The following PDHB variants were observed in gnomAD, a reference collection of about 807,000 sequenced individuals.
PDHB encodes the protein pyruvate dehydrogenase E1 component subunit beta, mitochondrial.
Under a neutral mutation model 42.8 loss-of-function variants are expected in PDHB, and 17 were observed. That is an observed-to-expected ratio of 0.40 (90% CI 0.27 to 0.60). The LOEUF (loss-of-function observed/expected upper bound fraction) is 0.60. PDHB is among the 20% of genes least tolerant of loss of function. The pLI, the probability that PDHB is intolerant of heterozygous loss-of-function variation, is 0.46. For synonymous variants in PDHB, 154 were observed against 148.7 expected, an observed-to-expected ratio of 1.04 and a Z score of -0.26; for missense variants, 322 against 451.3, an observed-to-expected ratio of 0.71 and a Z score of 2.60.
In PDHB at chr3:58,429,701, C is replaced by T; in HGVS notation, c.792+7G>A. On this transcript the variant is annotated splice_region_variant and intron_variant, in intron 8 of 9. Transcript: ENST00000302746. ...AATTCTTTAAGAACAAGTAAATGTC[C>T]ACTCACCTCACATTCAACTCCTTCT... is the stretch of plus-strand genomic sequence containing the variant. 2 of 1,552,616 alleles carry T rather than the reference C, an allele frequency of 1.3e-6. No homozygotes were observed. Among genetic ancestry groups the T allele is most frequent in the Non-Finnish European group, 1.8e-6 (2 of 1,123,964 alleles).
Position 58,432,164 on chromosome 3 carries a change from G to C in PDHB, c.97-180C>G, listed in dbSNP as rs1035816376. 6.3e-6 allele frequency: 4 copies of C among 639,812 alleles called. No homozygotes were observed. In the African/African-American group the frequency reaches 7.3e-5, roughly 12 times the overall value. 39.6% of individuals were successfully genotyped at this position (639,812 alleles called of 1,614,324 possible). ...TTTCTATTACACATAGTTGGTCTTT[G>C]CATGTGTTAATGTACTGAGTGCTCA... On this transcript the variant is annotated intron_variant, in intron 2 of 9. Coordinates refer to ENST00000302746, the MANE Select transcript of PDHB (RefSeq NM_000925.4).
chr3:58,429,790 A>T lies in PDHB; in HGVS notation c.710T>A (p.Ile237Lys), dbSNP rs779577082. The part of the protein sequence containing the change: ...KAKIERQGTH[I>K]TVVSHSRPVG... ...AGGTCTTGAATGGGAAACCACAGTT[A>T]TATGTGTTCCTGAAAACAGAGTGGT... is the stretch of plus-strand genomic sequence containing the variant. Residue 237 changes from isoleucine to lysine, a missense_variant, in exon 8 of 10, where the codon ATA (isoleucine) becomes AAA (lysine). Coordinates refer to ENST00000302746, the MANE Select transcript of PDHB (RefSeq NM_000925.4). 1 of 1,602,258 alleles carries T rather than the reference A, an allele frequency of 6.2e-7. No individual in the cohort carries two copies. The highest frequency in any genetic ancestry group is 8.6e-7 in the Non-Finnish European group (1 of 1,169,124).
chr3:58,431,629 C>T lies in PDHB; in HGVS notation c.268-1G>A. 1 of 1,608,868 alleles carries T rather than the reference C, an allele frequency of 6.2e-7. No homozygotes were observed. ...CTACAGCAATTCCAGCAAAGCCCAT[C>T]TATAAAGTAAAATATAAACATAAGT... On this transcript the variant is annotated splice_acceptor_variant, in intron 4 of 9. Transcript: ENST00000302746. LOFTEE classifies it high-confidence loss of function. The surrounding 1 kb of genome is among the most constrained non-coding windows in gnomAD (Gnocchi z 4.4).
intron 2 of PDHB, 88 bp downstream of exon 2, chr3:58,433,543 G>A (rs1026165984): frequency 5.2e-5 from 73 of 1,416,942 alleles, no homozygotes; most frequent in Non-Finnish European, 6.2e-5. Flanking sequence ...GCGCCGGAAG[G>A]CCACAGCGCA....
In PDHB at chr3:58,431,966, T is replaced by G; in HGVS notation, c.115A>C (p.Ile39Leu). Residue 39 changes from isoleucine to leucine, a missense_variant, in exon 3 of 10, where the codon ATA (isoleucine) becomes CTA (leucine). Around this residue, in one of 3 missense-constraint regions of PDHB, gnomAD observed 56 missense variants for 124.2 expected, o/e 0.45. Transcript: ENST00000302746. This position sits in a 1 kb window ranked among gnomAD's most constrained non-coding sequence, Gnocchi z 4.4. ...AALQVTVRDA[I>L]NQGMDEELER... is the part of the protein sequence containing the mutation. Reference sequence around the variant, plus strand: ...AGCTCCTCATCCATACCCTGATTTATAGCATCACGAACTGTCACCTGTCAC... The same window carrying G: ...AGCTCCTCATCCATACCCTGATTTAGAGCATCACGAACTGTCACCTGTCAC... 6.2e-7 allele frequency: 1 copy of G among 1,613,136 alleles called. No individual in the cohort carries two copies. Among genetic ancestry groups the G allele is most frequent in the Non-Finnish European group, 8.5e-7 (1 of 1,179,048 alleles).
Position 58,430,786 on chromosome 3 carries a change from C to T in PDHB, c.460G>A (p.Val154Ile). ...FRGPNGASAG[V>I]AAQHSQCFAA... is the part of the protein sequence containing the mutation. ...AAGCACTGTGAGTGCTGGGCAGCTACACCTGCTGAGGCACCATTGGGCCCT... is the reference window on the plus strand; with the variant it reads ...AAGCACTGTGAGTGCTGGGCAGCTATACCTGCTGAGGCACCATTGGGCCCT... The change falls in exon 6 of 10, where the codon GTA becomes ATA. Residue 154 changes from valine (V) to isoleucine (I), a missense_variant. Val to Ile is a conservative substitution (Grantham distance 29). Transcript: ENST00000302746. 1.9e-6 allele frequency: 3 copies of T among 1,614,198 alleles called. No homozygotes were observed. Among genetic ancestry groups the T allele is most frequent in the Middle Eastern group, 1.6e-4 (1 of 6,062 alleles).
chr3:58,428,846 T>C, intron 8 of PDHB: 2 of 545,516 alleles, frequency 3.7e-6, no homozygotes, highest in South Asian at 2.3e-5. Context: ...GATTCATTTA[T>C]CTTCCTTCAC....
chr3:58,432,105 C>T, intron 2 of PDHB, 121 bp from the exon 3 acceptor site: 1 of 732,908 alleles, frequency 1.4e-6, no homozygotes, highest in East Asian at 2.7e-5. Flanking sequence ...GAACAAGCTT[C>T]TCTCTAAAAA....
chr3:58,431,521 A>G lies in PDHB; in HGVS notation c.303+72T>C. 1.6e-6 allele frequency: 2 copies of G among 1,219,626 alleles called. No individual in the cohort carries two copies. Among genetic ancestry groups the G allele is most frequent in the Non-Finnish European group, 2.4e-6 (2 of 823,904 alleles). The allele number at this position is 1,219,626 out of a possible 1,614,324, so 75.6% of individuals were successfully genotyped here. ...ACTCCAGGCTGGACAACAGAGTGAG[A>G]CTCTGTCTCAAAAGAAAAAAAAAGA... On this transcript the variant is annotated intron_variant, in intron 5 of 9. Coordinates refer to ENST00000302746, the MANE Select transcript of PDHB (RefSeq NM_000925.4). This position sits in a 1 kb window ranked among gnomAD's most constrained non-coding sequence, Gnocchi z 4.4.
rs767192593 is a variant in PDHB at position 58,428,108 on chromosome 3, T to C, written c.1006A>G (p.Lys336Glu). 1 of 1,612,218 alleles carries C rather than the reference T, an allele frequency of 6.2e-7. No individual in the cohort carries two copies. The highest frequency in any genetic ancestry group is 8.5e-7 in the Non-Finnish European group (1 of 1,178,208). ...TGADVPMPYA[K>E]ILEDNSIPQV... ...GGTATAGAGTTGTCCTCTAGAATCT[T>C]TGCATAAGGCATAGGGACATCAGCA... The change falls in exon 10 of 10, where the codon AAG becomes GAG. Residue 336 changes from lysine to glutamate, a missense_variant. Transcript: ENST00000302746.
chr3:58,427,946 T>C lies in PDHB; in HGVS notation c.*88A>G, dbSNP rs761809361. 6.1e-6 allele frequency: 6 copies of C among 979,088 alleles called. No individual in the cohort carries two copies. The highest frequency in any genetic ancestry group is 3.2e-5 in the African/African-American group (2 of 62,670). The allele number at this position is 979,088 out of a possible 1,614,324, so 60.7% of individuals were successfully genotyped here. A position where few individuals can be genotyped will look rare whatever the true frequency, so the allele number is the denominator to read the frequency against. ...TTGCTTTAGAAATCGTTTTCCGTTA[T>C]GAATAGTCAGGTCTTGCAGTACAAA... On this transcript the variant is annotated 3_prime_UTR_variant, in exon 10 of 10. Coordinates refer to ENST00000302746, the MANE Select transcript of PDHB (RefSeq NM_000925.4).
chr3:58,433,580 A>AGAAGGGGGGACCCTCCCCGCCCTCGTCC, intron 2 of PDHB, 51 bp downstream of exon 2: 1 of 1,563,916 alleles, frequency 6.4e-7, no homozygotes. Flanking sequence ...CCTTCCCGAG[A>AGAAGGGGGGACCCTCCCCGCCCTCGTCC]GAAGGGGGGA....
chr3:58,430,334 C>T, intron 6 of PDHB, 96 bp from the exon 7 acceptor site: 1 of 888,878 alleles, frequency 1.1e-6, no homozygotes, highest in Non-Finnish European at 1.8e-6. Context: ...TGAGAAGTTT[C>T]ATTGTGCTGA....
chr3:58,428,602 G>T lies in PDHB; in HGVS notation c.805C>A (p.Arg269Ser), dbSNP rs1328382628. The T allele has an allele frequency of 1.2e-6, 2 of 1,612,016 alleles. No individual in the cohort carries two copies. Among genetic ancestry groups the T allele is most frequent in the Admixed American group, 3.3e-5 (2 of 60,008 alleles). The part of the protein sequence containing the change: ...EGVECEVINM[R>S]TIRPMDMETI... ...TCCATGTCCATTGGTCTAATGGTACGCATATTTATCACCTAAACAGGTAAT... is the reference window on the plus strand; with the variant it reads ...TCCATGTCCATTGGTCTAATGGTACTCATATTTATCACCTAAACAGGTAAT... Residue 269 changes from arginine to serine, a missense_variant, in exon 9 of 10, where the codon CGT (arginine) becomes AGT (serine). Arg to Ser is a moderately radical substitution (Grantham distance 110, BLOSUM62 -1). Transcript: ENST00000302746.
intron 8 of PDHB, 87 bp downstream of exon 8, chr3:58,429,621 C>T (rs2062902952): frequency 3.5e-6 from 3 of 858,974 alleles, no homozygotes; most frequent in Non-Finnish European, 6.0e-6. Context: ...GGTTTTACAT[C>T]TAATTAACCT....
Position 58,430,934 on chromosome 3 carries a change from C to T in PDHB, c.312G>A (p.Leu104=). ...GIAVGAAMAG[L]RPICEFMTFN... ...AGGTCATAAATTCACAAATGGGCCGCAACCCAGCCTGTAAAATCAAAAACG... is the reference window on the plus strand; with the variant it reads ...AGGTCATAAATTCACAAATGGGCCGTAACCCAGCCTGTAAAATCAAAAACG... The change falls in exon 6 of 10, where the codon TTG becomes TTA. Residue 104 remains leucine, a synonymous_variant. Transcript: ENST00000302746. The T allele has an allele frequency of 1.2e-6, 2 of 1,614,126 alleles. No individual in the cohort carries two copies. Among genetic ancestry groups the T allele is most frequent in the Non-Finnish European group, 8.5e-7 (1 of 1,180,040 alleles).
At chr3:58,430,040 A>C (rs558261690) in intron 7 of PDHB, 88 bp downstream of exon 7, 1 of 842,564 alleles carries the variant, frequency 1.2e-6, no homozygotes, top group South Asian at 1.4e-5. Flanking sequence ...TTTTCAGTCA[A>C]AGTAAATGAC....
chr3:58,433,804 C>G lies in PDHB; in HGVS notation c.6G>C (p.Ala2=). 6.2e-7 allele frequency: 1 copy of G among 1,611,348 alleles called. No homozygotes were observed. Among genetic ancestry groups the G allele is most frequent in the South Asian group, 1.1e-5 (1 of 90,676 alleles). ...GTCTCCGCACCAAGCCAGACACCGC[C>G]GCCATCTTGGTCGTGTCCTCTATCC... is the stretch of plus-strand genomic sequence containing the variant. M[A]AVSGLVRRPL... The change falls in exon 1 of 10, where the codon GCG becomes GCC. Residue 2 remains alanine (A), a synonymous_variant. Coordinates refer to ENST00000302746, the MANE Select transcript of PDHB (RefSeq NM_000925.4).
chr3:58,433,823 T>C lies in PDHB; in HGVS notation c.-14A>G. ...CACCGCCGCCATCTTGGTCGTGTCC[T>C]CTATCCGCTGCCAAACGACAACAGA... On this transcript the variant is annotated 5_prime_UTR_variant, in exon 1 of 10. Transcript: ENST00000302746. 6.2e-7 allele frequency: 1 copy of C among 1,608,982 alleles called. No individual in the cohort carries two copies. Among genetic ancestry groups the C allele is most frequent in the Non-Finnish European group, 8.5e-7 (1 of 1,178,394 alleles).
Sources: allele counts gnomAD v4.1 joint callset, GRCh38; gene constraint gnomAD v4.1.1; regional missense constraint gnomAD v4.1.1; non-coding constraint Gnocchi (gnomAD v3.1); transcripts MANE v1.5; gene names NCBI Gene and HGNC (gene_info 2026-07-23, HGNC 2026-07-21).